EML1: variants seen among roughly 807,000 people sequenced by gnomAD.
EML1 encodes the protein EMAP like 1, also known as echinoderm microtubule-associated protein-like 1.
EML1 carries 27 observed loss-of-function variants against 110.4 expected under a neutral mutation model. That is an observed-to-expected ratio of 0.24 (90% CI 0.18 to 0.34). EML1 has a LOEUF of 0.34. Among genes scored for constraint, EML1 ranks in the 10% least tolerant of loss-of-function variants. The pLI, the probability that EML1 is intolerant of heterozygous loss-of-function variation, is 1.00. For missense variants in EML1, 741 were observed against 1,030.9 expected, an observed-to-expected ratio of 0.72 and a Z score of 3.85; for synonymous variants, 344 against 385.8, an observed-to-expected ratio of 0.89 and a Z score of 1.27.
At chr14:99,749,632 A>G (rs74795798) in intron 1 of EML1, among the ~76,000 whole-genome samples, 4 of 152,188 alleles carry the variant, frequency 2.6e-5, no homozygotes, top group Non-Finnish European at 4.4e-5. Flanking sequence ...AGGGAGGGAC[A>G]TGGAGAAAGC....
chr14:99,747,057 G>A (rs773791936), intron 1 of EML1, among the ~76,000 whole-genome samples: 13 of 151,960 alleles, frequency 8.6e-5, no homozygotes, highest in African/African-American at 2.4e-4. Context: ...ACCACCACCC[G>A]GGCACCTGTA....
In EML1 at chr14:99,827,234, C is replaced by G. The variant is rs1183363227; in HGVS notation, c.68-23619C>G. On this transcript the variant is annotated intron_variant, in intron 1 of 21. Transcript: ENST00000262233. This position sits in a 1 kb window ranked among gnomAD's most constrained non-coding sequence, Gnocchi z 4.4. ...AAGAAGAGGAGATTAGTCACAGACA[C>G]GTAGAGGAGGATGACCACCTGAAGA... Among the ~76,000 whole-genome samples, 1 of 151,672 alleles carries G rather than the reference C, an allele frequency of 6.6e-6. No homozygotes were observed. The highest frequency in any genetic ancestry group is 1.5e-5 in the Non-Finnish European group (1 of 67,924).
chr14:99,809,779 T>G (rs1314536961), intron 1 of EML1: 1 of 454,306 alleles, frequency 2.2e-6, no homozygotes, highest in African/African-American at 2.0e-5. Flanking sequence ...TTTAATCGTT[T>G]GTGTTCATTT....
chr14:99,823,978 A>C lies in EML1; in HGVS notation c.68-26875A>C, dbSNP rs963609637. 2.0e-5 allele frequency among the ~76,000 whole-genome samples: 3 copies of C among 151,826 alleles called. No homozygotes were observed. The South Asian group carries it at 6.3e-4, about 32-fold the overall frequency. ...TCTCTCTCTCTTTTTTTTAAGATGG[A>C]GTCTCGCTCTGTCGCCAGGCTGGAA... On this transcript the variant is annotated intron_variant, in intron 1 of 21. Coordinates refer to ENST00000262233, the MANE Select transcript of EML1 (RefSeq NM_004434.3).
At chr14:99,900,817 C>G (rs772516263) in intron 8 of EML1, 112 bp from the exon 9 acceptor site, 2 of 862,564 alleles carry the variant, frequency 2.3e-6, no homozygotes, top group Non-Finnish European at 3.7e-6. Flanking sequence ...AGAAAAAGAT[C>G]TTTTGTTTTG....
At chr14:99,758,601 A>G (rs55655133) in intron 1 of EML1, among the ~76,000 whole-genome samples, 39,093 of 152,090 alleles carry the variant, frequency 0.26, 5,447 homozygotes, top group African/African-American at 0.36. Context: ...AGGCCTGCCC[A>G]GAGTCAGTCC....
At position 99,929,964 on chromosome 14, in the gene EML1, G is replaced by A. The variant is rs116155260; in HGVS notation, c.1910-6065G>A. 6.8e-3 allele frequency among the ~76,000 whole-genome samples: 1,029 copies of A among 152,298 alleles called. 16 individuals are homozygous for A. The highest frequency in any genetic ancestry group is 0.024 in the African/African-American group (977 of 41,562). ...CTAGTAGCGGTTCTTGAGCTTTATA[G>A]GTGGAGCTGGCCCTCCTGGGCCTTC... On this transcript the variant is annotated intron_variant, in intron 17 of 21. Coordinates refer to ENST00000262233, the MANE Select transcript of EML1 (RefSeq NM_004434.3).
At chr14:99,836,657 T>G (rs1208187992) in intron 1 of EML1, among the ~76,000 whole-genome samples, 1 of 152,232 alleles carries the variant, frequency 6.6e-6, no homozygotes, top group Non-Finnish European at 1.5e-5. Flanking sequence ...TTTATTTATT[T>G]TGGGTCATAT....
intron 1 of EML1, among the ~76,000 whole-genome samples, chr14:99,829,511 A>T (rs2058415294): frequency 6.6e-6 from 1 of 152,242 alleles, no homozygotes; most frequent in Non-Finnish European, 1.5e-5. Context: ...TTTTAAATGT[A>T]TAAATTCAGT....
intron 9 of EML1, among the ~76,000 whole-genome samples, chr14:99,903,785 A>T (rs11160558): frequency 0.36 from 36,793 of 102,900 alleles, 5,555 homozygotes; most frequent in Non-Finnish European, 0.39. Flanking sequence ...AAATCTATTC[A>T]TTTTTTTTTT....
intron 1 of EML1, among the ~76,000 whole-genome samples, chr14:99,806,337 T>TG (rs2139698293): frequency 6.7e-6 from 1 of 149,500 alleles, no homozygotes; most frequent in South Asian, 2.2e-4. Flanking sequence ...TTTTTTTTTT[T>TG]TTTGAGACAT....
intron 17 of EML1, among the ~76,000 whole-genome samples, chr14:99,930,332 G>C (rs577928406): frequency 7.7e-4 from 117 of 152,324 alleles, no homozygotes; most frequent in Non-Finnish European, 1.2e-3. Flanking sequence ...GTGGAAGAGG[G>C]AGGTTCAGAA....
At chr14:99,765,733 T>C (rs1237970315) in intron 1 of EML1, among the ~76,000 whole-genome samples, 4 of 151,584 alleles carry the variant, frequency 2.6e-5, no homozygotes, top group Non-Finnish European at 1.5e-5. Flanking sequence ...GCCTCTCGAG[T>C]AGCTGGGATT....
At chr14:99,833,622 C>T (rs1046221827) in intron 1 of EML1, among the ~76,000 whole-genome samples, 2 of 152,220 alleles carry the variant, frequency 1.3e-5, no homozygotes, top group African/African-American at 4.8e-5. Flanking sequence ...TTCCAACCCA[C>T]AGACACGGTA....
chr14:99,823,353 C>A (rs528043623), intron 1 of EML1, among the ~76,000 whole-genome samples: 1 of 151,968 alleles, frequency 6.6e-6, no homozygotes, highest in Non-Finnish European at 1.5e-5. Flanking sequence ...CCCCACTTAG[C>A]CATCAGAACC....
chr14:99,747,805 C>G (rs534257186), intron 1 of EML1, among the ~76,000 whole-genome samples: 5 of 152,306 alleles, frequency 3.3e-5, no homozygotes, highest in Admixed American at 2.6e-4. Flanking sequence ...GGACTTGGTG[C>G]TGCCCCAGGG....
chr14:99,789,591 T>C (rs2057639015), upstream of EML1, among the ~76,000 whole-genome samples: 1 of 152,242 alleles, frequency 6.6e-6, no homozygotes, highest in African/African-American at 2.4e-5. Flanking sequence ...CTGTGTTCTA[T>C]GTGCTACATT....
intron 2 of EML1, among the ~76,000 whole-genome samples, chr14:99,851,677 A>G (rs1208276770): frequency 6.6e-6 from 1 of 152,082 alleles, no homozygotes; most frequent in Non-Finnish European, 1.5e-5. Context: ...CCTTTGGGCC[A>G]CTTTTGGAGG....
At chr14:99,768,557 A>G (rs2057390892), upstream of EML1, among the ~76,000 whole-genome samples, 1 of 152,202 alleles carries the variant, frequency 6.6e-6, no homozygotes, top group African/African-American at 2.4e-5. Flanking sequence ...GGGGTAAGGC[A>G]GACAGGCCCA....
Sources: allele counts gnomAD v4.1 joint callset (sites outside exome capture counted in the v4.1 genomes callset), GRCh38; gene constraint gnomAD v4.1.1; non-coding constraint Gnocchi (gnomAD v3.1); transcripts MANE v1.5; gene names NCBI Gene and HGNC (gene_info 2026-07-23, HGNC 2026-07-21).